The following ACOT1 variants were observed in gnomAD, a reference collection of about 807,000 sequenced individuals.
The protein encoded by ACOT1 is acyl-coenzyme A thioesterase 1.
In ACOT1, 8 loss-of-function variants were observed where a neutral mutation model predicts 15.7. The observed-to-expected ratio is 0.51, with a 90% CI of 0.30 to 0.92. The LOEUF (loss-of-function observed/expected upper bound fraction) is 0.92. Among genes scored for constraint, ACOT1 ranks in the 40% least tolerant of loss-of-function variants. The pLI is 0.06. For synonymous variants in ACOT1, 67 were observed against 241.2 expected (o/e 0.28, Z 6.69); for missense variants, 151 against 539.4 (o/e 0.28, Z 7.13).
At chr14:73,503,806 C>T in the ACOT1 span, among the ~76,000 whole-genome samples, 1 of 152,092 alleles carries the variant, frequency 6.6e-6, no homozygotes, top group African/African-American at 2.4e-5. Context: ...GTGCCTAGTG[C>T]GTCGGATGTG....
chr14:73,506,400 A>G, the ACOT1 span: 1 of 1,111,264 alleles, frequency 9.0e-7, no homozygotes, highest in East Asian at 2.4e-5. Flanking sequence ...AGCAGCAAAA[A>G]GTAGAAGGCC....
upstream of ACOT1, among the ~76,000 whole-genome samples, chr14:73,534,643 C>T (rs1307962938): frequency 1.2e-4 from 13 of 112,186 alleles, 4 homozygotes; most frequent in South Asian, 3.7e-3. Context: ...GAGCTATGAT[C>T]GCACCACTGC....
chr14:73,499,560 G>C, the ACOT1 span, among the ~76,000 whole-genome samples: 1 of 152,140 alleles, frequency 6.6e-6, no homozygotes, highest in Admixed American at 6.6e-5. Flanking sequence ...AGCTATAATT[G>C]AAAAATGACC....
chr14:73,501,992 G>A, the ACOT1 span, among the ~76,000 whole-genome samples: 1 of 151,024 alleles, frequency 6.6e-6, no homozygotes, highest in Non-Finnish European at 1.5e-5. Flanking sequence ...TGATCCACCC[G>A]CCTCGGCCTC....
chr14:73,492,427 G>A, the ACOT1 span: 1 of 1,613,604 alleles, frequency 6.2e-7, no homozygotes, highest in Admixed American at 1.7e-5. This position sits in a 1 kb window ranked among gnomAD's most constrained non-coding sequence, Gnocchi z 4.9. Flanking sequence ...CAGATTCTAA[G>A]GATCCGCGAA....
chr14:73,514,177 T>G, the ACOT1 span: 9 of 1,614,186 alleles, frequency 5.6e-6, no homozygotes, highest in Non-Finnish European at 7.6e-6. Flanking sequence ...CAGCAGCATA[T>G]CCTTGGCGGG....
At chr14:73,519,170 A>G in the ACOT1 span, 1 of 1,609,394 alleles carries the variant, frequency 6.2e-7, no homozygotes, top group African/African-American at 1.3e-5. Context: ...TCATCTGTGA[A>G]CAGACAAAGA....
At chr14:73,521,386 G>A in the ACOT1 span, among the ~76,000 whole-genome samples, 8 of 152,218 alleles carry the variant, frequency 5.3e-5, no homozygotes, top group African/African-American at 1.7e-4. Context: ...CACCTCCTTC[G>A]TCATCTCACT....
At chr14:73,527,554 G>GC in the ACOT1 span, among the ~76,000 whole-genome samples, 1 of 151,356 alleles carries the variant, frequency 6.6e-6, no homozygotes, top group Non-Finnish European at 1.5e-5. Context: ...CTTCGCAAAA[G>GC]AAAAAAAATC....
At chr14:73,532,625 C>T (rs1341206819), upstream of ACOT1, among the ~76,000 whole-genome samples, 9 of 114,968 alleles carry the variant, frequency 7.8e-5, 3 homozygotes, top group Non-Finnish European at 1.1e-4. Context: ...GGTTGGACCA[C>T]CATAAAAGAG....
chr14:73,494,868 A>G, the ACOT1 span, among the ~76,000 whole-genome samples: 135 of 152,224 alleles, frequency 8.9e-4, 1 homozygote, highest in Admixed American at 3.2e-3. Flanking sequence ...ACCACCAACC[A>G]CTACCACTAT....
upstream of ACOT1, among the ~76,000 whole-genome samples, chr14:73,533,446 AGG>A: frequency 8.7e-6 from 1 of 115,348 alleles, no homozygotes; most frequent in Admixed American, 9.8e-5. Context: ...TGGGAGGCCG[AGG>A]AGGGTAGATC....
chr14:73,492,327 C>T, the ACOT1 span: 1 of 1,614,014 alleles, frequency 6.2e-7, no homozygotes, highest in Non-Finnish European at 8.5e-7. The surrounding 1 kb of genome is among the most constrained non-coding windows in gnomAD (Gnocchi z 4.9). Context: ...GCCATACTGC[C>T]TCTGGCAGTG....
the ACOT1 span, among the ~76,000 whole-genome samples, chr14:73,504,081 T>C: frequency 6.6e-6 from 1 of 150,936 alleles, no homozygotes; most frequent in Non-Finnish European, 1.5e-5. Flanking sequence ...CATTTCTTTT[T>C]TTTTTTTTTT....
At chr14:73,492,052 G>A in the ACOT1 span, 19 of 1,613,876 alleles carry the variant, frequency 1.2e-5, 2 homozygotes, top group South Asian at 2.1e-4. This position sits in a 1 kb window ranked among gnomAD's most constrained non-coding sequence, Gnocchi z 4.9. Context: ...ACGACATCGA[G>A]GCCTTCGTGC....
chr14:73,498,294 A>G, the ACOT1 span: 1 of 1,612,800 alleles, frequency 6.2e-7, no homozygotes, highest in Middle Eastern at 1.7e-4. Context: ...TGGATAGCCC[A>G]GAGCAGAAGA....
chr14:73,509,810 C>CTATATATA, the ACOT1 span, among the ~76,000 whole-genome samples: 48 of 63,194 alleles, frequency 7.6e-4, 12 homozygotes, highest in Admixed American at 1.2e-3. Flanking sequence ...CCCCATGAGC[C>CTATATATA]CATATATATA....
At chr14:73,523,236 A>G in the ACOT1 span, 1 of 1,357,796 alleles carries the variant, frequency 7.4e-7, no homozygotes, top group Non-Finnish European at 9.8e-7. Context: ...TGTTAAGGGA[A>G]TGGGAGGAAC....
the ACOT1 span, chr14:73,493,259 C>A: frequency 1.4e-6 from 1 of 690,256 alleles, no homozygotes; most frequent in Non-Finnish European, 2.5e-6. Flanking sequence ...CTGCTTGAGA[C>A]AGATATTAGA....
Sources: gnomAD v4.1 joint callset for allele counts (sites outside exome capture counted in the v4.1 genomes callset) on GRCh38, gnomAD v4.1.1 for gene constraint, Gnocchi (gnomAD v3.1) non-coding constraint, MANE v1.5 for transcripts, NCBI Gene and HGNC (gene_info 2026-07-23, HGNC 2026-07-21) for gene names.